Variants in WWC2 observed in about 807,000 individuals in gnomAD.
WWC2 encodes protein WWC2.
Under a neutral mutation model 138.5 loss-of-function variants are expected in WWC2, and 101 were observed. The observed-to-expected ratio is 0.73, with a 90% confidence interval of 0.62 to 0.86. The LOEUF (loss-of-function observed/expected upper bound fraction) is 0.86, where lower values mean the gene tolerates loss of function less well. WWC2 is among the 40% of genes least tolerant of loss of function. WWC2 has a pLI of 0.00. For missense variants in WWC2, 1,420 were observed against 1,419.4 expected, an observed-to-expected ratio of 1.00 and a Z score of -0.01; for synonymous variants, 558 against 538.4, an observed-to-expected ratio of 1.04 and a Z score of -0.50.
chr4:183,117,215 CTTTTTT>C (rs923478529), intron 1 of WWC2, among the ~76,000 whole-genome samples: 93 of 95,668 alleles, frequency 9.7e-4, no homozygotes, highest in Admixed American at 2.4e-3. Context: ...CATTCTTCTT[CTTTTTT>C]TTTTTTTTTT....
chr4:183,101,529 A>G (rs561037054), intron 1 of WWC2, among the ~76,000 whole-genome samples: 1 of 152,318 alleles, frequency 6.6e-6, no homozygotes, highest in South Asian at 2.1e-4. Flanking sequence ...ACGACTTACA[A>G]ATATTTCTGG....
chr4:183,201,279 G>GT (rs1553967332), intron 2 of WWC2, among the ~76,000 whole-genome samples: 1 of 104,992 alleles, frequency 9.5e-6, no homozygotes, highest in African/African-American at 3.4e-5. Context: ...CAGTTTGTTT[G>GT]TTTTTTTTCA....
rs149751670 is a variant in WWC2, at chr4:183,223,595, C to T, written c.522+14570C>T. ...GAATTCTTTATTGCTGTCCAAATGCCTTATCAATATTTATGTTTCTCATTT... is the reference window on the plus strand; with the variant it reads ...GAATTCTTTATTGCTGTCCAAATGCTTTATCAATATTTATGTTTCTCATTT... On this transcript the variant is annotated intron_variant, in intron 4 of 22. Coordinates refer to ENST00000403733, the MANE Select transcript of WWC2 (RefSeq NM_024949.6). Among the ~76,000 whole-genome samples the T allele has an allele frequency of 4.4e-3, 676 of 152,184 alleles. 5 individuals carry two copies. Among genetic ancestry groups the T allele is most frequent in the African/African-American group, 0.016 (646 of 41,534 alleles).
intron 21 of WWC2, among the ~76,000 whole-genome samples, chr4:183,295,392 A>C (rs148101681): frequency 0.01 from 1,595 of 152,222 alleles, 23 homozygotes; most frequent in African/African-American, 0.037. Flanking sequence ...AGAGGATTTC[A>C]CCCTGGGGCT....
At chr4:183,180,717 A>G (rs1734607253) in intron 1 of WWC2, among the ~76,000 whole-genome samples, 3 of 152,050 alleles carry the variant, frequency 2.0e-5, no homozygotes, top group South Asian at 4.2e-4. Flanking sequence ...TTGCCAAATG[A>G]TAGAAGCTAG....
At chr4:183,309,415 C>T (rs1316798677) in intron 21 of WWC2, among the ~76,000 whole-genome samples, 1 of 152,202 alleles carries the variant, frequency 6.6e-6, no homozygotes, top group Admixed American at 6.5e-5. Flanking sequence ...GTTTAAAAAT[C>T]GGCAAAAGAC....
intron 5 of WWC2, among the ~76,000 whole-genome samples, chr4:183,242,472 T>C (rs1479386265): frequency 6.6e-6 from 1 of 152,226 alleles, no homozygotes; most frequent in Non-Finnish European, 1.5e-5. Flanking sequence ...CTCTACGTTA[T>C]TCATTTCAGT....
At chr4:183,269,220 A>T in intron 15 of WWC2, 57 bp downstream of exon 15, 1 of 1,542,268 alleles carries the variant, frequency 6.5e-7, no homozygotes, top group South Asian at 1.2e-5. Flanking sequence ...TGGTCTGAGG[A>T]TATACTTTGT....
chr4:183,173,502 A>T (rs1446191230), intron 1 of WWC2, among the ~76,000 whole-genome samples: 1 of 151,928 alleles, frequency 6.6e-6, no homozygotes, highest in Non-Finnish European at 1.5e-5. Context: ...TAGTATTCTT[A>T]GCTTTTGCGT....
intron 4 of WWC2, among the ~76,000 whole-genome samples, chr4:183,234,746 A>G (rs1485822733): frequency 6.6e-6 from 1 of 152,102 alleles, no homozygotes; most frequent in Non-Finnish European, 1.5e-5. Flanking sequence ...GGGTATTTGT[A>G]TTTAGCACAG....
At chr4:183,235,117 A>G (rs1391011381) in intron 4 of WWC2, among the ~76,000 whole-genome samples, 1 of 152,218 alleles carries the variant, frequency 6.6e-6, no homozygotes, top group Non-Finnish European at 1.5e-5. Flanking sequence ...CCATCTTGGT[A>G]TTTGGGAGCT....
At chr4:183,150,046 A>T (rs1053324392) in intron 1 of WWC2, among the ~76,000 whole-genome samples, 1 of 152,134 alleles carries the variant, frequency 6.6e-6, no homozygotes, top group East Asian at 1.9e-4. Context: ...GAAACTGAAC[A>T]TACCTAGAAA....
At chr4:183,158,773 A>T (rs543108181) in intron 1 of WWC2, among the ~76,000 whole-genome samples, 159 of 152,258 alleles carry the variant, frequency 1.0e-3, no homozygotes, top group Middle Eastern at 6.8e-3. Flanking sequence ...AAATACATAA[A>T]CATTCCAGTA....
chr4:183,109,466 A>G (rs1307781222), intron 1 of WWC2, among the ~76,000 whole-genome samples: 1 of 152,154 alleles, frequency 6.6e-6, no homozygotes, highest in Non-Finnish European at 1.5e-5. Context: ...TTTCCACAGA[A>G]TGGGATTGGA....
chr4:183,257,347 C>T (rs569981490), intron 9 of WWC2, among the ~76,000 whole-genome samples: 8 of 152,178 alleles, frequency 5.3e-5, no homozygotes, highest in Non-Finnish European at 1.0e-4. Flanking sequence ...GAAATTTTCC[C>T]TAGGTGCAGA....
chr4:183,122,696 T>G (rs894768205), intron 1 of WWC2, among the ~76,000 whole-genome samples: 1 of 152,068 alleles, frequency 6.6e-6, no homozygotes, highest in Non-Finnish European at 1.5e-5. Context: ...ATTTTGTGTT[T>G]TTAGTAGCAA....
intron 4 of WWC2, among the ~76,000 whole-genome samples, chr4:183,224,002 G>A (rs933289044): frequency 1.3e-5 from 2 of 152,174 alleles, no homozygotes; most frequent in Non-Finnish European, 1.5e-5. Context: ...AAAGTGCTGG[G>A]ATTACAGGTG....
intron 2 of WWC2, among the ~76,000 whole-genome samples, chr4:183,207,334 C>T (rs995433476): frequency 1.6e-4 from 25 of 152,096 alleles, no homozygotes; most frequent in Admixed American, 1.4e-3. Context: ...AGATCCACTG[C>T]GGACTCACTG....
chr4:183,204,673 GT>G (rs1452469870), intron 2 of WWC2, among the ~76,000 whole-genome samples: 48 of 152,250 alleles, frequency 3.2e-4, no homozygotes, highest in African/African-American at 1.1e-3. Flanking sequence ...CAATTCATGA[GT>G]TTTGACAGGT....
Sources: allele counts gnomAD v4.1 joint callset (sites outside exome capture counted in the v4.1 genomes callset), GRCh38; gene constraint gnomAD v4.1.1; transcripts MANE v1.5; gene names NCBI Gene and HGNC (gene_info 2026-07-23, HGNC 2026-07-21).